Variants in PCDHGA11 observed in about 807,000 individuals in gnomAD.
PCDHGA11 encodes the protein protocadherin gamma subfamily A, 11.
Under a neutral mutation model 60.4 loss-of-function variants are expected in PCDHGA11, and 39 were observed. The observed-to-expected ratio is 0.65, with a 90% CI of 0.50 to 0.84. PCDHGA11 has a LOEUF of 0.84. PCDHGA11 is among the 40% of genes least tolerant of loss of function. PCDHGA11 has a pLI of 0.00. For missense variants in PCDHGA11, 1,165 were observed against 1,197.7 expected (o/e 0.97, Z 0.40); for synonymous variants, 533 against 510.3 (o/e 1.04, Z -0.60).
At position 141,422,383 on chromosome 5, in the gene PCDHGA11, T is replaced by C. The variant is rs201301291; in HGVS notation, c.1156T>C (p.Phe386Leu). Residue 386 changes from phenylalanine to leucine, a missense_variant, in exon 1 of 4, where the codon TTT becomes CTT. By Grantham distance (22) the Phe-to-Leu change is conservative. Transcript: ENST00000398587. The part of the protein sequence containing the change: ...DSGENGQVSC[F>L]IPNHLPFKLE... ...TGGAGAAAATGGTCAAGTCTCCTGT[T>C]TTATTCCTAACCACCTGCCTTTTAA... 554 of 1,586,008 alleles carry C rather than the reference T, an allele frequency of 3.5e-4. 2 individuals are homozygous for C. The African/African-American group carries it at 6.9e-3, about 20-fold the overall frequency.
rs754652710 is a variant in PCDHGA11 at position 141,476,367 on chromosome 5, G to A, written c.2434-18440G>A. Reference sequence around the variant, plus strand: ...TTCTTTGAGGTGAACCGGGAGACCGGAGAGATGTTTGTGAACGACCGTCTG... The same window carrying A: ...TTCTTTGAGGTGAACCGGGAGACCGAAGAGATGTTTGTGAACGACCGTCTG... On this transcript the variant is annotated intron_variant, in intron 1 of 3. Coordinates refer to ENST00000398587, the MANE Select transcript of PCDHGA11 (RefSeq NM_018914.3). The surrounding 1 kb of genome is among the most constrained non-coding windows in gnomAD (Gnocchi z 7.6). The A allele has an allele frequency of 2.5e-6, 4 of 1,614,172 alleles. No homozygotes were observed. In the South Asian group the frequency reaches 3.3e-5, roughly 13 times the overall value.
intron 1 of PCDHGA11, among the ~76,000 whole-genome samples, chr5:141,456,857 G>A (rs957526443): frequency 6.6e-5 from 10 of 152,234 alleles, no homozygotes; most frequent in African/African-American, 2.4e-4. Context: ...CAGCTAATTG[G>A]GAGGCTGAGG....
Position 141,450,830 on chromosome 5 carries a change from T to TTA in PCDHGA11, c.2433+27171_2433+27172insAT, listed in dbSNP as rs200967731. 4.3e-3 allele frequency among the ~76,000 whole-genome samples: 438 copies of TTA among 101,540 alleles called. 3 individuals carry two copies. Among genetic ancestry groups the TTA allele is most frequent in the African/African-American group, 0.015 (349 of 23,046 alleles). 66.6% of individuals were successfully genotyped at this position (101,540 alleles called of 152,430 possible). ...TATTTATTTAATATTATTATTATTA[T>TTA]TTTTTTTTTTTTGAGATGGGGTCTT... On this transcript the variant is annotated intron_variant, in intron 1 of 3. Transcript: ENST00000398587.
chr5:141,476,929 G>T lies in PCDHGA11; in HGVS notation c.2434-17878G>T, dbSNP rs1375082202. 6.2e-7 allele frequency: 1 copy of T among 1,614,136 alleles called. No homozygotes were observed. Among genetic ancestry groups the T allele is most frequent in the Admixed American group, 1.7e-5 (1 of 60,034 alleles). On this transcript the variant is annotated intron_variant, in intron 1 of 3. Transcript: ENST00000398587. This position sits in a 1 kb window ranked among gnomAD's most constrained non-coding sequence, Gnocchi z 7.6. ...TGGTACAAGTCCTTGCAACGGATCT[G>T]GATGAAGGCCCCAACGGTGAAATTA...
chr5:141,428,131 G>T, intron 1 of PCDHGA11: 1 of 1,602,720 alleles, frequency 6.2e-7, no homozygotes, highest in Non-Finnish European at 8.5e-7. Flanking sequence ...GGGCTTTTCA[G>T]CCTGGGGCTG....
At chr5:141,474,965 A>G (rs1268347441) in intron 1 of PCDHGA11, among the ~76,000 whole-genome samples, 1 of 152,236 alleles carries the variant, frequency 6.6e-6, no homozygotes, top group Non-Finnish European at 1.5e-5. Context: ...TATCCTAATC[A>G]TTATAATTTT....
At position 141,479,006 on chromosome 5, in the gene PCDHGA11, T is replaced by C. The variant is rs148063283; in HGVS notation, c.2434-15801T>C. On this transcript the variant is annotated intron_variant, in intron 1 of 3. Transcript: ENST00000398587. ...ACATTTGTATTAAAACTAATAGCTT[T>C]TTGATAATTTTCCTTTGTTTATACA... Among the ~76,000 whole-genome samples the C allele has an allele frequency of 1.2e-3, 179 of 152,340 alleles. 2 individuals are homozygous for C. The highest frequency in any genetic ancestry group is 0.011 in the Admixed American group (170 of 15,300).
In PCDHGA11 at chr5:141,486,853, C is replaced by T. The variant is rs1401626024; in HGVS notation, c.2434-7954C>T. The stretch of plus-strand genomic sequence containing the variant: ...GTCTATTTGTGCTGGACCTCAATGA[C>T]AATGCTCCAGCTGTGCTCCGTCCTC... On this transcript the variant is annotated intron_variant, in intron 1 of 3. Coordinates refer to ENST00000398587, the MANE Select transcript of PCDHGA11 (RefSeq NM_018914.3). This position sits in a 1 kb window ranked among gnomAD's most constrained non-coding sequence, Gnocchi z 5.0. 6.2e-7 allele frequency: 1 copy of T among 1,614,244 alleles called. No individual in the cohort carries two copies. The highest frequency in any genetic ancestry group is 2.2e-5 in the East Asian group (1 of 44,886).
At chr5:141,484,352 T>A (rs112226980) in intron 1 of PCDHGA11, among the ~76,000 whole-genome samples, 8,127 of 152,270 alleles carry the variant, frequency 0.053, 445 homozygotes, top group African/African-American at 0.15. Context: ...TAATTTAGTG[T>A]ATCTAGTGTA....
chr5:141,433,379 CTAT>C (rs2097594474), intron 1 of PCDHGA11, among the ~76,000 whole-genome samples: 1 of 151,230 alleles, frequency 6.6e-6, no homozygotes, highest in Non-Finnish European at 1.5e-5. Context: ...ATCTATCTAT[CTAT>C]CTATCTATCT....
intron 1 of PCDHGA11, chr5:141,428,311 G>A: frequency 3.0e-6 from 2 of 671,726 alleles, no homozygotes; most frequent in Non-Finnish European, 5.3e-6. Context: ...CCTGGTCGTG[G>A]CCTTGGCCTT....
chr5:141,450,826 A>ATTTTT (rs764729742), intron 1 of PCDHGA11, among the ~76,000 whole-genome samples: 2 of 134,302 alleles, frequency 1.5e-5, no homozygotes, highest in African/African-American at 2.9e-5. Flanking sequence ...TATTATTATT[A>ATTTTT]TTATTTTTTT....
intron 2 of PCDHGA11, among the ~76,000 whole-genome samples, chr5:141,501,528 A>G (rs1173385747): frequency 6.6e-6 from 1 of 151,978 alleles, no homozygotes; most frequent in Non-Finnish European, 1.5e-5. Context: ...GAAGCCCAGT[A>G]CGTTGTTGTG....
rs779250544 is a variant in PCDHGA11, at chr5:141,432,639, G to A, written c.2433+8979G>A. The A allele has an allele frequency of 1.2e-6, 2 of 1,613,816 alleles. No homozygotes were observed. Among genetic ancestry groups the A allele is most frequent in the Non-Finnish European group, 1.7e-6 (2 of 1,179,934 alleles). On this transcript the variant is annotated intron_variant, in intron 1 of 3. Coordinates refer to ENST00000398587, the MANE Select transcript of PCDHGA11 (RefSeq NM_018914.3). This position sits in a 1 kb window ranked among gnomAD's most constrained non-coding sequence, Gnocchi z 6.0. Reference sequence around the variant, plus strand: ...GTGGGTCTGCACACGGGCGAGGTGCGCACGGCGCGAGCCCTGCTGGACAGA... The same window carrying A: ...GTGGGTCTGCACACGGGCGAGGTGCACACGGCGCGAGCCCTGCTGGACAGA...
chr5:141,492,332 G>A (rs2099739439), intron 1 of PCDHGA11, among the ~76,000 whole-genome samples: 1 of 152,204 alleles, frequency 6.6e-6, no homozygotes. Flanking sequence ...GGGCTTACGC[G>A]AATACCAGCT....
chr5:141,431,066 CAATT>C lies in PCDHGA11; in HGVS notation c.2433+7409_2433+7412del, dbSNP rs762972663. ...GCTCTGTATGGGGGCCATCAAGTGT[CAATT>C]AAATCTAGACATTCTGATGGAGGAT... On this transcript the variant is annotated intron_variant, in intron 1 of 3. Transcript: ENST00000398587. This position sits in a 1 kb window ranked among gnomAD's most constrained non-coding sequence, Gnocchi z 4.8. 9 of 1,614,042 alleles carry C rather than the reference CAATT, an allele frequency of 5.6e-6. No individual in the cohort carries two copies. The East Asian group carries it at 2.0e-4, about 36-fold the overall frequency.
chr5:141,486,474 C>G lies in PCDHGA11; in HGVS notation c.2434-8333C>G. ...ACTGCTTCTGATGCTGGGAACCCTC[C>G]TCTCAGTACCCACAGAACTATTTTC... On this transcript the variant is annotated intron_variant, in intron 1 of 3. Transcript: ENST00000398587. The surrounding 1 kb of genome is among the most constrained non-coding windows in gnomAD (Gnocchi z 5.0). The G allele has an allele frequency of 6.2e-7, 1 of 1,614,016 alleles. No individual in the cohort carries two copies. Among genetic ancestry groups the G allele is most frequent in the Non-Finnish European group, 8.5e-7 (1 of 1,179,822 alleles).
In PCDHGA11 at chr5:141,432,365, G is replaced by A. The variant is rs1561860587; in HGVS notation, c.2433+8705G>A. The A allele has an allele frequency of 6.2e-7, 1 of 1,614,224 alleles. No homozygotes were observed. The highest frequency in any genetic ancestry group is 2.2e-5 in the East Asian group (1 of 44,882). ...CTTGCAAGTGAAAGTGATGGCGCGG[G>A]ACAACGGGCACCCGCCCCTCAGCAG... On this transcript the variant is annotated intron_variant, in intron 1 of 3. Transcript: ENST00000398587. The surrounding 1 kb of genome is among the most constrained non-coding windows in gnomAD (Gnocchi z 6.0).
chr5:141,430,315 T>C (rs185896854), intron 1 of PCDHGA11, among the ~76,000 whole-genome samples: 58 of 151,980 alleles, frequency 3.8e-4, no homozygotes, highest in African/African-American at 1.3e-3. Context: ...CATTATAAGA[T>C]TAAAATCATT....
Sources: gnomAD v4.1 joint callset for allele counts (sites outside exome capture counted in the v4.1 genomes callset) on GRCh38, gnomAD v4.1.1 for gene constraint, Gnocchi (gnomAD v3.1) non-coding constraint, MANE v1.5 for transcripts, NCBI Gene and HGNC (gene_info 2026-07-23, HGNC 2026-07-21) for gene names.